The following DMXL2 variants were observed in gnomAD, a reference collection of about 807,000 sequenced individuals.
DMXL2 encodes the protein dmX-like protein 2.
DMXL2 carries 103 observed loss-of-function variants against 331.1 expected under a neutral mutation model. That is an observed-to-expected ratio of 0.31 (90% CI 0.27 to 0.37). DMXL2 has a LOEUF of 0.37. Among genes scored for constraint, DMXL2 ranks in the 10% least tolerant of loss-of-function variants. DMXL2 has a pLI of 1.00. For missense variants in DMXL2, 3,171 were observed against 3,642.9 expected (o/e 0.87, Z 3.33); for synonymous variants, 1,281 against 1,252.1 (o/e 1.02, Z -0.49).
chr15:51,449,988 G>A lies in DMXL2; in HGVS notation c.8967+141C>T, dbSNP rs925359004. The A allele has an allele frequency of 2.5e-5, 18 of 714,106 alleles. No individual in the cohort carries two copies. The East Asian group carries it at 4.1e-4, about 16-fold the overall frequency. The allele number at this position is 714,106 out of a possible 1,614,324, so 44.2% of individuals were successfully genotyped here. ...AACCATACAGGAGCATGGGGAGGCG[G>A]CAGAGTGTTGAGATATGCAGTATCT... On this transcript the variant is annotated intron_variant, in intron 43 of 43. Coordinates refer to ENST00000560891, the MANE Select transcript of DMXL2 (RefSeq NM_001378457.1).
At chr15:51,520,889 T>C (rs924996832) in intron 13 of DMXL2, among the ~76,000 whole-genome samples, 1 of 152,038 alleles carries the variant, frequency 6.6e-6, no homozygotes, top group African/African-American at 2.4e-5. Context: ...CATAAATACA[T>C]AAATGGGAGT....
At chr15:51,588,061 G>T (rs1189070198) in intron 1 of DMXL2, among the ~76,000 whole-genome samples, 1 of 151,738 alleles carries the variant, frequency 6.6e-6, no homozygotes, top group Non-Finnish European at 1.5e-5. Context: ...TGTAGATTCT[G>T]GATATTAGTG....
chr15:51,505,702 T>C (rs1433925795), intron 16 of DMXL2, among the ~76,000 whole-genome samples: 1 of 152,250 alleles, frequency 6.6e-6, no homozygotes, highest in East Asian at 1.9e-4. Context: ...TGCCAATTCA[T>C]GGCCCAGTTA....
intron 23 of DMXL2, among the ~76,000 whole-genome samples, chr15:51,483,302 C>T (rs530704185): frequency 6.1e-4 from 93 of 152,316 alleles, no homozygotes; most frequent in African/African-American, 2.2e-3. Context: ...ATGCGCACTG[C>T]TCTGGGGGCC....
intron 33 of DMXL2, among the ~76,000 whole-genome samples, chr15:51,462,307 TTCTTC>T (rs1029026579): frequency 6.6e-6 from 1 of 152,140 alleles, no homozygotes; most frequent in African/African-American, 2.4e-5. Flanking sequence ...TATAATTCAT[TTCTTC>T]TCTTCTCATT....
At chr15:51,572,779 C>T (rs2050759123) in intron 2 of DMXL2, among the ~76,000 whole-genome samples, 2 of 152,142 alleles carry the variant, frequency 1.3e-5, no homozygotes, top group South Asian at 2.1e-4. Context: ...AATGATGGAA[C>T]GTATCTCAAA....
At chr15:51,544,290 A>G (rs1180826635) in intron 8 of DMXL2, among the ~76,000 whole-genome samples, 1 of 152,060 alleles carries the variant, frequency 6.6e-6, no homozygotes, top group Admixed American at 6.6e-5. Flanking sequence ...GAGTTCTCAT[A>G]AGATTTGGTC....
intron 6 of DMXL2, among the ~76,000 whole-genome samples, chr15:51,559,589 T>C (rs1392092621): frequency 6.6e-6 from 1 of 151,906 alleles, no homozygotes; most frequent in Non-Finnish European, 1.5e-5. Context: ...GCCATGGTGG[T>C]GCATGCCTGT....
At chr15:51,496,478 G>C (rs572449397) in intron 18 of DMXL2, among the ~76,000 whole-genome samples, 1 of 152,322 alleles carries the variant, frequency 6.6e-6, no homozygotes, top group African/African-American at 2.4e-5. Flanking sequence ...TTCTAATAGA[G>C]TAGAAATGAG....
chr15:51,488,200 C>T, intron 21 of DMXL2, 81 bp from the exon 22 acceptor site: 1 of 1,261,368 alleles, frequency 7.9e-7, no homozygotes. Flanking sequence ...AAAATAAAAA[C>T]CTCAAACAGA....
chr15:51,516,737 C>G (rs1038325085), intron 14 of DMXL2, among the ~76,000 whole-genome samples: 1 of 152,110 alleles, frequency 6.6e-6, no homozygotes. Context: ...CACCCATCAC[C>G]CAAGTAGTGT....
At chr15:51,612,470 A>C (rs1391375967) in intron 1 of DMXL2, among the ~76,000 whole-genome samples, 1 of 152,188 alleles carries the variant, frequency 6.6e-6, no homozygotes, top group African/African-American at 2.4e-5. Context: ...AAAGGGAAAG[A>C]GTACAAAAGA....
rs760050811 is a variant in DMXL2 at position 51,481,396 on chromosome 15, C to T, written c.5710G>A (p.Val1904Ile). 3.5e-5 allele frequency: 56 copies of T among 1,612,672 alleles called. No individual in the cohort carries two copies. The East Asian group carries it at 1.2e-3, about 35-fold the overall frequency. The change falls in exon 24 of 44, where the codon GTA becomes ATA. Residue 1904 changes from valine to isoleucine, a missense_variant. Val to Ile is a conservative substitution (Grantham distance 29). Transcript: ENST00000560891. ...GTTACTTTTGGAATTTTGGAGAGTA[C>T]CTCCAAGGCTAAAACAGGGCATCCA... ...KVGCPVLALEVLSKIPKVTKT... is the reference protein window; with the variant it reads ...KVGCPVLALEILSKIPKVTKT...
chr15:51,537,454 G>C (rs1343646376), intron 11 of DMXL2, 34 bp downstream of exon 11: 1 of 1,539,020 alleles, frequency 6.5e-7, no homozygotes. Flanking sequence ...ACTATTTTAA[G>C]AAATGTAATA....
rs759217296 is a variant in DMXL2 at position 51,480,678 on chromosome 15, C to T, written c.6428G>A (p.Arg2143Lys). 2 of 1,612,762 alleles carry T rather than the reference C, an allele frequency of 1.2e-6. No homozygotes were observed. Among genetic ancestry groups the T allele is most frequent in the Non-Finnish European group, 1.7e-6 (2 of 1,178,942 alleles). The change falls in exon 24 of 44, where the codon AGA (arginine) becomes AAA (lysine). Residue 2143 changes from arginine to lysine, a missense_variant. This residue lies in a region of DMXL2 where 197 missense variants were observed against 196.2 expected (regional missense o/e 1.00). Transcript: ENST00000560891. ...RLQAKREHAE[R>K]RKSWLQKNQD... ...GTTTTTCTGCAACCACGACTTTCGT[C>T]TTTCTGCATGCTCTCGTTTGGCCTG...
chr15:51,551,877 G>A (rs972340286), intron 6 of DMXL2, among the ~76,000 whole-genome samples: 1 of 152,206 alleles, frequency 6.6e-6, no homozygotes, highest in Non-Finnish European at 1.5e-5. Context: ...ATTGTGATAA[G>A]CACTATAAGA....
intron 6 of DMXL2, among the ~76,000 whole-genome samples, chr15:51,561,077 A>T (rs988212064): frequency 1.3e-5 from 2 of 152,180 alleles, no homozygotes; most frequent in Non-Finnish European, 2.9e-5. Flanking sequence ...ACATCTGAAA[A>T]GTCCCCCAGA....
chr15:51,607,018 C>T (rs2053633687), intron 1 of DMXL2, among the ~76,000 whole-genome samples: 1 of 152,124 alleles, frequency 6.6e-6, no homozygotes. Flanking sequence ...ATTAGCTAGG[C>T]ATGGTGATGG....
At chr15:51,549,867 G>T (rs1409927834) in intron 6 of DMXL2, among the ~76,000 whole-genome samples, 7 of 151,960 alleles carry the variant, frequency 4.6e-5, no homozygotes, top group African/African-American at 1.7e-4. Flanking sequence ...TTAGTCCTTT[G>T]TCAGATGTAT....
Sources: allele counts gnomAD v4.1 joint callset (sites outside exome capture counted in the v4.1 genomes callset), GRCh38; gene constraint gnomAD v4.1.1; regional missense constraint gnomAD v4.1.1; transcripts MANE v1.5; gene names NCBI Gene and HGNC (gene_info 2026-07-23, HGNC 2026-07-21).